Variants in CSMD2 observed in about 807,000 individuals in gnomAD.
CSMD2 encodes CUB and Sushi multiple domains 2, also known as CUB and sushi domain-containing protein 2.
CSMD2 carries 130 observed loss-of-function variants against 398.5 expected under a neutral mutation model. The observed-to-expected ratio is 0.33, with a 90% confidence interval of 0.28 to 0.38. The LOEUF (loss-of-function observed/expected upper bound fraction) is 0.38, where lower values mean the gene tolerates loss of function less well. Ranked by LOEUF, CSMD2 falls within the 10% of genes least tolerant of loss-of-function variation. CSMD2 has a pLI of 1.00. For synonymous variants in CSMD2, 1,828 were observed against 1,908.5 expected (o/e 0.96, Z 1.10); for missense variants, 3,829 against 4,764.9 (o/e 0.80, Z 5.78).
chr1:33,816,062 C>T (rs987905527), intron 9 of CSMD2, among the ~76,000 whole-genome samples: 1 of 152,078 alleles, frequency 6.6e-6, no homozygotes, highest in African/African-American at 2.4e-5. Flanking sequence ...TCCTGTTTTA[C>T]TGCCCTTTTA....
chr1:34,005,139 G>A (rs1188257989), intron 3 of CSMD2, among the ~76,000 whole-genome samples: 5 of 152,206 alleles, frequency 3.3e-5, no homozygotes, highest in African/African-American at 1.2e-4. Flanking sequence ...ATACGAGAGA[G>A]AGAAATCTTC....
intron 4 of CSMD2, among the ~76,000 whole-genome samples, chr1:33,928,801 C>T (rs1322738668): frequency 6.6e-6 from 1 of 152,202 alleles, no homozygotes; most frequent in Non-Finnish European, 1.5e-5. Context: ...TCAAGGTGCA[C>T]ACTGCACCCG....
At chr1:34,121,310 C>T (rs180806363) in intron 1 of CSMD2, among the ~76,000 whole-genome samples, 57 of 152,282 alleles carry the variant, frequency 3.7e-4, no homozygotes, top group South Asian at 1.9e-3. Flanking sequence ...GCCAGATCAG[C>T]TTGAGAAGTA....
chr1:33,919,093 A>G (rs7551966), intron 4 of CSMD2, among the ~76,000 whole-genome samples: 59,534 of 151,714 alleles, frequency 0.39, 12,439 homozygotes, highest in African/African-American at 0.53. Flanking sequence ...TATCACCAAA[A>G]CCACCACAGT....
Position 33,756,445 on chromosome 1 carries a change from A to C in CSMD2, c.1847-12839T>G, listed in dbSNP as rs1371130884. ...GGTGACGAAAAAAGGAATGAATGGC[A>C]TAGAGGTGGGCTGCTTTTAATAAGG... On this transcript the variant is annotated intron_variant, in intron 13 of 70. Coordinates refer to ENST00000373381, the MANE Select transcript of CSMD2 (RefSeq NM_001281956.2). Among the ~76,000 whole-genome samples the C allele has an allele frequency of 2.0e-5, 3 of 152,312 alleles. No individual in the cohort carries two copies. In the South Asian group the frequency reaches 6.2e-4, roughly 32 times the overall value.
At chr1:34,129,553 G>A (rs1371478428) in intron 1 of CSMD2, among the ~76,000 whole-genome samples, 5 of 152,216 alleles carry the variant, frequency 3.3e-5, no homozygotes, top group Non-Finnish European at 5.9e-5. Context: ...TCAGGAGGCT[G>A]AGGCAGGAGA....
intron 44 of CSMD2, among the ~76,000 whole-genome samples, chr1:33,590,294 A>ATTTT (rs56252015): frequency 2.9e-3 from 214 of 73,818 alleles, no homozygotes; most frequent in African/African-American, 3.3e-3. Context: ...GCTAATTAAA[A>ATTTT]TTTTTTTTTT....
chr1:33,524,824 T>C (rs548753693), intron 66 of CSMD2, 58 bp downstream of exon 66: 443 of 1,573,732 alleles, frequency 2.8e-4, no homozygotes, highest in Admixed American at 1.6e-3. Context: ...GGCTCATCCT[T>C]GCCAAGGGTG....
intron 21 of CSMD2, 141 bp downstream of exon 21, chr1:33,714,446 C>G: frequency 1.0e-6 from 1 of 968,274 alleles, no homozygotes; most frequent in Non-Finnish European, 1.6e-6. Context: ...GTTACCTGCC[C>G]CGGGTCCCAC....
At chr1:34,054,903 G>C (rs1185671546) in intron 2 of CSMD2, among the ~76,000 whole-genome samples, 1 of 152,082 alleles carries the variant, frequency 6.6e-6, no homozygotes, top group Non-Finnish European at 1.5e-5. Flanking sequence ...TATTCTTTGG[G>C]TTTGTTTACC....
chr1:33,611,900 A>T (rs1641032991), intron 40 of CSMD2, among the ~76,000 whole-genome samples: 1 of 152,236 alleles, frequency 6.6e-6, no homozygotes, highest in African/African-American at 2.4e-5. Flanking sequence ...AAGATTTTTC[A>T]AAATTAGATC....
At chr1:33,575,501 T>C (rs1049776587) in intron 49 of CSMD2, among the ~76,000 whole-genome samples, 1 of 151,916 alleles carries the variant, frequency 6.6e-6, no homozygotes, top group African/African-American at 2.4e-5. Context: ...GCCACGGAAC[T>C]AGGATTCCAG....
chr1:34,138,979 C>T (rs551184901), intron 1 of CSMD2, among the ~76,000 whole-genome samples: 1 of 152,258 alleles, frequency 6.6e-6, no homozygotes, highest in Admixed American at 6.5e-5. Context: ...CCTCACCTAA[C>T]CCCATGACCC....
intron 5 of CSMD2, among the ~76,000 whole-genome samples, chr1:33,881,168 G>A (rs1484932211): frequency 1.3e-5 from 2 of 152,062 alleles, no homozygotes; most frequent in African/African-American, 2.4e-5. Context: ...GTTCTGTCAG[G>A]GCATTTATTG....
At chr1:33,696,234 A>T (rs1019630319) in intron 24 of CSMD2, among the ~76,000 whole-genome samples, 3 of 152,230 alleles carry the variant, frequency 2.0e-5, no homozygotes, top group Admixed American at 6.5e-5. Context: ...ATTTAGGAAA[A>T]GGAATAGTTG....
chr1:34,094,824 C>A (rs1274118830), intron 1 of CSMD2, among the ~76,000 whole-genome samples: 1 of 151,216 alleles, frequency 6.6e-6, no homozygotes, highest in Admixed American at 6.6e-5. Flanking sequence ...ACTTTAACAC[C>A]CCACTGTCAA....
chr1:33,644,075 T>C (rs1643275349), intron 29 of CSMD2, among the ~76,000 whole-genome samples: 1 of 152,208 alleles, frequency 6.6e-6, no homozygotes. Flanking sequence ...GATGTGCCTC[T>C]CTTCTCCCCT....
intron 53 of CSMD2, among the ~76,000 whole-genome samples, chr1:33,564,794 C>A (rs561474457): frequency 6.6e-6 from 1 of 151,290 alleles, no homozygotes; most frequent in Non-Finnish European, 1.5e-5. Context: ...TGGCCCCATC[C>A]CATATATAAA....
chr1:33,894,028 G>A (rs969342041), intron 5 of CSMD2, among the ~76,000 whole-genome samples: 1 of 152,184 alleles, frequency 6.6e-6, no homozygotes, highest in Non-Finnish European at 1.5e-5. Context: ...GGGACAGGGG[G>A]ATTACTGTTA....
Sources: gnomAD v4.1 joint callset for allele counts (sites outside exome capture counted in the v4.1 genomes callset) on GRCh38, gnomAD v4.1.1 for gene constraint, MANE v1.5 for transcripts, NCBI Gene and HGNC (gene_info 2026-07-23, HGNC 2026-07-21) for gene names.